The following DMRT1 variants were observed in gnomAD, a reference collection of about 807,000 sequenced individuals.
The protein encoded by DMRT1 is doublesex- and mab-3-related transcription factor 1.
A neutral mutation model predicts 32.3 loss-of-function variants in DMRT1; 7 were observed. The ratio of observed to expected loss-of-function variants is 0.22; its 90% CI spans 0.12 to 0.41. DMRT1 has a LOEUF of 0.41. Ranked by LOEUF, DMRT1 falls within the 10% of genes least tolerant of loss-of-function variation. DMRT1 has a pLI of 1.00. For missense variants in DMRT1, 625 were observed against 500.5 expected, an observed-to-expected ratio of 1.25 and a Z score of -2.37; for synonymous variants, 278 against 206.1, an observed-to-expected ratio of 1.35 and a Z score of -2.99.
chr9:934,441 G>C (rs1205045902), intron 4 of DMRT1, among the ~76,000 whole-genome samples: 1 of 152,096 alleles, frequency 6.6e-6, no homozygotes, highest in African/African-American at 2.4e-5. Flanking sequence ...TGAGGGAGGA[G>C]GATCACTTGA....
At chr9:878,210 CA>C (rs760745899) in intron 2 of DMRT1, among the ~76,000 whole-genome samples, 2,513 of 127,264 alleles carry the variant, frequency 0.02, 44 homozygotes, top group East Asian at 0.05. Flanking sequence ...GCCCCCCCCC[CA>C]CCCAATAAAA....
intron 4 of DMRT1, among the ~76,000 whole-genome samples, chr9:931,343 C>G (rs1235830573): frequency 6.6e-6 from 1 of 152,194 alleles, no homozygotes; most frequent in Non-Finnish European, 1.5e-5. Flanking sequence ...TATTAAGTCT[C>G]CAGTTCTTTG....
chr9:911,418 A>G (rs1275210520), intron 3 of DMRT1, among the ~76,000 whole-genome samples: 1 of 148,956 alleles, frequency 6.7e-6, no homozygotes, highest in Non-Finnish European at 1.5e-5. Flanking sequence ...GAGAGCAGGA[A>G]GTAATTTAGT....
chr9:929,495 A>T (rs1167786299), intron 4 of DMRT1, among the ~76,000 whole-genome samples: 1 of 152,034 alleles, frequency 6.6e-6, no homozygotes, highest in Non-Finnish European at 1.5e-5. Context: ...TCTTGGTGAA[A>T]AGTTTCTGGA....
chr9:955,083 C>T (rs757780351), intron 4 of DMRT1, among the ~76,000 whole-genome samples: 2 of 152,150 alleles, frequency 1.3e-5, no homozygotes, highest in Admixed American at 6.5e-5. Flanking sequence ...GGAGAATGTC[C>T]GTGCTCAGGG....
intron 4 of DMRT1, among the ~76,000 whole-genome samples, chr9:919,457 T>C (rs960528457): frequency 1.3e-5 from 2 of 152,154 alleles, no homozygotes; most frequent in Non-Finnish European, 2.9e-5. Context: ...GTTTTCCTTT[T>C]GTCGTGTTAC....
chr9:901,339 T>C (rs1817565638), intron 3 of DMRT1, among the ~76,000 whole-genome samples: 1 of 151,082 alleles, frequency 6.6e-6, no homozygotes, highest in African/African-American at 2.4e-5. Flanking sequence ...GTTTGTTTTT[T>C]ATTGTGAGAC....
At chr9:861,171 A>T (rs1013361297) in intron 2 of DMRT1, among the ~76,000 whole-genome samples, 2 of 151,450 alleles carry the variant, frequency 1.3e-5, no homozygotes, top group African/African-American at 4.9e-5. Flanking sequence ...ACATGTGAAC[A>T]AAGGTCTCTG....
intron 4 of DMRT1, among the ~76,000 whole-genome samples, chr9:939,022 C>A (rs541458897): frequency 1.3e-5 from 2 of 152,342 alleles, no homozygotes; most frequent in South Asian, 2.1e-4. Flanking sequence ...CCCCTGCCTT[C>A]ACTGGTTAGG....
At chr9:958,311 C>A (rs748204746) in intron 4 of DMRT1, among the ~76,000 whole-genome samples, 1 of 152,200 alleles carries the variant, frequency 6.6e-6, no homozygotes, top group Non-Finnish European at 1.5e-5. Context: ...CTATAAAATT[C>A]TACTTGAGAA....
At chr9:889,805 C>T (rs1817069616) in intron 2 of DMRT1, among the ~76,000 whole-genome samples, 1 of 152,156 alleles carries the variant, frequency 6.6e-6, no homozygotes, top group Non-Finnish European at 1.5e-5. Flanking sequence ...TTTTGAAAGG[C>T]AGGCCTTAAG....
chr9:948,512 C>G (rs969416147), intron 4 of DMRT1, among the ~76,000 whole-genome samples: 6 of 152,108 alleles, frequency 3.9e-5, no homozygotes, highest in African/African-American at 1.2e-4. Context: ...AAGTCAGTAT[C>G]CTCTCCACAG....
chr9:849,843 G>T (rs901598793), intron 2 of DMRT1, among the ~76,000 whole-genome samples: 1 of 150,708 alleles, frequency 6.6e-6, no homozygotes, highest in Non-Finnish European at 1.5e-5. Context: ...TTTTTTTTGA[G>T]ACAGAGTTTT....
chr9:902,940 G>C (rs888559763), intron 3 of DMRT1, among the ~76,000 whole-genome samples: 2 of 152,106 alleles, frequency 1.3e-5, no homozygotes, highest in Non-Finnish European at 2.9e-5. Context: ...GCAAGTTTTG[G>C]AGACTCTTCT....
intron 4 of DMRT1, among the ~76,000 whole-genome samples, chr9:964,246 A>G (rs1319197172): frequency 1.3e-5 from 2 of 152,138 alleles, no homozygotes; most frequent in African/African-American, 4.8e-5. Context: ...ATATTTTTCA[A>G]AAATAATACT....
At chr9:895,886 C>G (rs1817338050) in intron 3 of DMRT1, among the ~76,000 whole-genome samples, 3 of 150,092 alleles carry the variant, frequency 2.0e-5, no homozygotes, top group South Asian at 2.1e-4. Flanking sequence ...CTCACTGCAA[C>G]CTCTGCCTCC....
chr9:905,224 C>A (rs1157182515), intron 3 of DMRT1, among the ~76,000 whole-genome samples: 8 of 152,222 alleles, frequency 5.3e-5, no homozygotes, highest in Admixed American at 3.9e-4. Flanking sequence ...CTTGGTATAG[C>A]ATTGGCCCTG....
chr9:961,287 CGTT>C (rs1394425940), intron 4 of DMRT1, among the ~76,000 whole-genome samples: 3 of 152,142 alleles, frequency 2.0e-5, no homozygotes, highest in Non-Finnish European at 2.9e-5. Context: ...ACGCAAGCCT[CGTT>C]GTGACAGGGC....
intron 3 of DMRT1, 112 bp from the exon 4 acceptor site, chr9:916,651 C>T (rs771737815): frequency 7.5e-7 from 1 of 1,335,800 alleles, no homozygotes; most frequent in Non-Finnish European, 1.1e-6. Context: ...GGAACATAGG[C>T]ATGAGCCACT....
Sources: gnomAD v4.1 joint callset for allele counts (sites outside exome capture counted in the v4.1 genomes callset) on GRCh38, gnomAD v4.1.1 for gene constraint, MANE v1.5 for transcripts, NCBI Gene and HGNC (gene_info 2026-07-23, HGNC 2026-07-21) for gene names.